PXYLP1: variants seen among roughly 807,000 people sequenced by gnomAD.
PXYLP1 encodes the protein 2-phosphoxylose phosphatase 1.
In PXYLP1, 17 loss-of-function variants were observed where a neutral mutation model predicts 37.9. The ratio of observed to expected loss-of-function variants is 0.45; its 90% CI spans 0.31 to 0.67. The LOEUF is 0.67. Ranked by LOEUF, PXYLP1 falls within the 30% of genes least tolerant of loss-of-function variation. The pLI is 0.07. For synonymous variants in PXYLP1, 221 were observed against 232.2 expected (o/e 0.95, Z 0.44); for missense variants, 511 against 612.0 (o/e 0.84, Z 1.74).
At chr3:141,281,758 T>G (rs553214388) in intron 4 of PXYLP1, among the ~76,000 whole-genome samples, 4 of 152,234 alleles carry the variant, frequency 2.6e-5, no homozygotes, top group African/African-American at 9.6e-5. Context: ...AATGGCCCCT[T>G]GGGTGGTGAG....
chr3:141,279,352 CCAGA>C, intron 3 of PXYLP1, 22 bp from the exon 4 acceptor site: 1 of 1,613,696 alleles, frequency 6.2e-7, no homozygotes, highest in South Asian at 1.1e-5. Flanking sequence ...TGAGTGATAA[CCAGA>C]CAATGTGCTT....
At chr3:141,263,350 T>C (rs1266404142) in intron 2 of PXYLP1, among the ~76,000 whole-genome samples, 5 of 152,248 alleles carry the variant, frequency 3.3e-5, no homozygotes, top group African/African-American at 1.2e-4. Context: ...TAATTGTCTT[T>C]AATAAAAATA....
intron 1 of PXYLP1, among the ~76,000 whole-genome samples, chr3:141,258,039 G>A (rs78255861): frequency 1.3e-5 from 2 of 152,064 alleles, no homozygotes; most frequent in East Asian, 3.9e-4. Flanking sequence ...AATCCCTTAA[G>A]AGCATGGAAG....
At chr3:141,235,881 C>T (rs1483745853) in intron 1 of PXYLP1, among the ~76,000 whole-genome samples, 1 of 152,262 alleles carries the variant, frequency 6.6e-6, no homozygotes, top group Non-Finnish European at 1.5e-5. Flanking sequence ...CCTCCACCCT[C>T]AAAACCAGCA....
chr3:141,273,371 G>T, intron 2 of PXYLP1: 1 of 985,426 alleles, frequency 1.0e-6, no homozygotes, highest in Non-Finnish European at 1.2e-6. Flanking sequence ...CTGGCTGATG[G>T]TTACTCTTCC....
At chr3:141,233,054 C>CAGTGCGTGTGAAGCTGGT (rs1940569646) in intron 1 of PXYLP1, among the ~76,000 whole-genome samples, 1 of 152,186 alleles carries the variant, frequency 6.6e-6, no homozygotes, top group Admixed American at 6.5e-5. Flanking sequence ...GTGAAGCTGG[C>CAGTGCGTGTGAAGCTGGT]AGTGCGGAGC....
In PXYLP1 at chr3:141,292,657, C is replaced by T. The variant is rs200474720; in HGVS notation, c.895C>T (p.Leu299Phe). The T allele has an allele frequency of 2.5e-5, 41 of 1,613,404 alleles. No homozygotes were observed. In the East Asian group the frequency reaches 8.7e-4, roughly 34 times the overall value. The change falls in exon 6 of 6, where the codon CTC (leucine) becomes TTC (phenylalanine). Residue 299 changes from leucine (L) to phenylalanine (F), a missense_variant. Transcript: ENST00000286353. The surrounding 1 kb of genome is among the most constrained non-coding windows in gnomAD (Gnocchi z 4.3). ...AGCTGCCAACCCCATAGACTCCATG[C>T]TCTGCCACTTCTGCCACAATGTCAG... Reference protein sequence around the residue: ...LRAANPIDSMLCHFCHNVSFP... With the variant: ...LRAANPIDSMFCHFCHNVSFP...
intron 1 of PXYLP1, among the ~76,000 whole-genome samples, chr3:141,255,490 G>A (rs1156692280): frequency 6.6e-6 from 1 of 152,258 alleles, no homozygotes; most frequent in African/African-American, 2.4e-5. Flanking sequence ...ATTAGAAGAT[G>A]TGGGAGCTGT....
At chr3:141,273,094 A>G (rs1941708408) in intron 2 of PXYLP1, 9 of 985,290 alleles carry the variant, frequency 9.1e-6, no homozygotes, top group Non-Finnish European at 9.6e-6. Flanking sequence ...TGAGAAGGCT[A>G]TTTTCTCCTT....
intron 2 of PXYLP1, chr3:141,273,268 A>G: frequency 1.0e-6 from 1 of 985,444 alleles, no homozygotes; most frequent in Non-Finnish European, 1.2e-6. Context: ...ACAAATGCAT[A>G]AATACCGAGC....
At chr3:141,269,177 A>C (rs1257212186) in intron 2 of PXYLP1, among the ~76,000 whole-genome samples, 2 of 152,236 alleles carry the variant, frequency 1.3e-5, no homozygotes, top group Non-Finnish European at 2.9e-5. Flanking sequence ...CCTCAAGGAC[A>C]GGTTGCTGGT....
In PXYLP1 at chr3:141,260,201, T is replaced by C; in HGVS notation, c.26T>C (p.Leu9Pro). MLFRNRFL[L>P]LLALAALLAF... ...ATGCTTTTCCGCAACCGCTTCTTGC[T>C]GCTGCTGGCCCTGGCTGCGCTGCTG... Residue 9 changes from leucine to proline, a missense_variant, in exon 2 of 6, where the codon CTG (leucine) becomes CCG (proline). Transcript: ENST00000286353. The C allele has an allele frequency of 6.2e-7, 1 of 1,613,914 alleles. No individual in the cohort carries two copies. Among genetic ancestry groups the C allele is most frequent in the Non-Finnish European group, 8.5e-7 (1 of 1,180,046 alleles).
At chr3:141,289,969 T>G (rs1942163537) in intron 5 of PXYLP1, among the ~76,000 whole-genome samples, 1 of 152,262 alleles carries the variant, frequency 6.6e-6, no homozygotes, top group Admixed American at 6.5e-5. Context: ...TAAATTAGTG[T>G]TACTCTAGAA....
intron 1 of PXYLP1, among the ~76,000 whole-genome samples, chr3:141,233,118 C>T (rs1474326905): frequency 6.6e-6 from 1 of 152,124 alleles, no homozygotes; most frequent in South Asian, 2.1e-4. Context: ...AACTTACCCT[C>T]CTCAGAGGTG....
chr3:141,281,497 C>G lies in PXYLP1; in HGVS notation c.365+1993C>G, dbSNP rs115768705. The stretch of plus-strand genomic sequence containing the variant: ...GCCCGGTGCCCAGGACACGGCAGCC[C>G]TCAGTGAATAGCTGGCACAGGTGGC... On this transcript the variant is annotated intron_variant, in intron 4 of 5. Transcript: ENST00000286353. 8.5e-3 allele frequency among the ~76,000 whole-genome samples: 1,299 copies of G among 152,296 alleles called. 12 individuals carry two copies. Among genetic ancestry groups the G allele is most frequent in the African/African-American group, 0.029 (1,195 of 41,552 alleles).
rs1023967669 is a variant in PXYLP1, at chr3:141,266,617, C to T, written c.79+6363C>T. Among the ~76,000 whole-genome samples the T allele has an allele frequency of 2.1e-5, 3 of 145,058 alleles. No homozygotes were observed. In the Admixed American group the frequency reaches 2.2e-4, roughly 11 times the overall value. ...AGCTGAGGAGGCCCCACTTAGCCAG[C>T]TCTGTGTGTGTGAGAGAGGGAGAGA... is the stretch of plus-strand genomic sequence containing the variant. On this transcript the variant is annotated intron_variant, in intron 2 of 5. Coordinates refer to ENST00000286353, the MANE Select transcript of PXYLP1 (RefSeq NM_001037172.3).
intron 1 of PXYLP1, among the ~76,000 whole-genome samples, chr3:141,246,940 A>G (rs1172534569): frequency 6.6e-6 from 1 of 152,122 alleles, no homozygotes; most frequent in Non-Finnish European, 1.5e-5. Flanking sequence ...TTGGCTTCCA[A>G]CCCACTACCT....
chr3:141,241,961 G>A (rs919081761), intron 1 of PXYLP1, among the ~76,000 whole-genome samples: 8 of 152,206 alleles, frequency 5.3e-5, no homozygotes, highest in Non-Finnish European at 8.8e-5. Context: ...CATTACTCAG[G>A]CTATAAAAAT....
At chr3:141,267,747 C>T (rs1941552741) in intron 2 of PXYLP1, 1 of 152,116 alleles carries the variant, frequency 6.6e-6, no homozygotes, top group Non-Finnish European at 1.5e-5. Flanking sequence ...GCAGGTTCTT[C>T]TGCAAGCTGA....
Sources: allele counts gnomAD v4.1 joint callset (sites outside exome capture counted in the v4.1 genomes callset), GRCh38; gene constraint gnomAD v4.1.1; non-coding constraint Gnocchi (gnomAD v3.1); transcripts MANE v1.5; gene names NCBI Gene and HGNC (gene_info 2026-07-23, HGNC 2026-07-21).